The following MINAR1 variants were observed in gnomAD, a reference collection of about 807,000 sequenced individuals.
The protein encoded by MINAR1 is membrane integral NOTCH2 associated receptor 1.
In MINAR1, 40 loss-of-function variants were observed where a neutral mutation model predicts 65.1. That is an observed-to-expected ratio of 0.61 (90% CI 0.48 to 0.80). MINAR1 has a LOEUF of 0.80. Among genes scored for constraint, MINAR1 ranks in the 30% least tolerant of loss-of-function variants. MINAR1 has a pLI of 0.00. For missense variants in MINAR1, 1,128 were observed against 1,148.0 expected, an observed-to-expected ratio of 0.98 and a Z score of 0.25; for synonymous variants, 482 against 449.1, an observed-to-expected ratio of 1.07 and a Z score of -0.93.
chr15:79,468,675 C>A lies in MINAR1; in HGVS notation c.*291C>A, dbSNP rs577944797. The stretch of plus-strand genomic sequence containing the variant: ...TAAATACAAATTGAATATTCCAAGC[C>A]AAAAAAGGAAGATTAATTGGGTTCT... On this transcript the variant is annotated 3_prime_UTR_variant, in exon 4 of 4. Coordinates refer to ENST00000305428, the MANE Select transcript of MINAR1 (RefSeq NM_015206.3). 7.2e-5 allele frequency: 26 copies of A among 362,282 alleles called. 1 individual carries two copies. The South Asian group carries it at 9.7e-4, about 14-fold the overall frequency. 22.4% of individuals were successfully genotyped at this position (362,282 alleles called of 1,614,324 possible).
At chr15:79,454,347 C>CA (rs1895341866) in intron 1 of MINAR1, among the ~76,000 whole-genome samples, 1 of 152,188 alleles carries the variant, frequency 6.6e-6, no homozygotes, top group South Asian at 2.1e-4. Context: ...AGAGAAAGCT[C>CA]ATTACCTCGA....
chr15:79,412,406 C>G, the MINAR1 span: 1 of 152,408 alleles, frequency 6.6e-6, no homozygotes, highest in South Asian at 2.1e-4. Flanking sequence ...CTCACCTTCA[C>G]CAGTGCCTTG....
chr15:79,431,553 G>C (rs1294080003), upstream of MINAR1, among the ~76,000 whole-genome samples: 2 of 152,032 alleles, frequency 1.3e-5, no homozygotes, highest in South Asian at 2.1e-4. Context: ...TCACGTGACA[G>C]TCTTTCCAAT....
chr15:79,462,139 G>A (rs781446701), intron 2 of MINAR1, among the ~76,000 whole-genome samples: 25 of 152,114 alleles, frequency 1.6e-4, no homozygotes, highest in Non-Finnish European at 3.4e-4. Flanking sequence ...TTCATGGAGT[G>A]TCTTCTACTT....
chr15:79,452,453 GGT>G (rs1035495252), intron 1 of MINAR1, among the ~76,000 whole-genome samples: 8 of 149,576 alleles, frequency 5.3e-5, no homozygotes, highest in African/African-American at 2.0e-4. Flanking sequence ...AGTGTGTGTG[GGT>G]GTGAGTCTGG....
chr15:79,440,393 T>C (rs554252935), intron 1 of MINAR1, among the ~76,000 whole-genome samples: 1 of 152,236 alleles, frequency 6.6e-6, no homozygotes, highest in African/African-American at 2.4e-5. Flanking sequence ...GTAAGACCCA[T>C]CCTTAAATAC....
In MINAR1 at chr15:79,456,722, TG is replaced by T; in HGVS notation, c.577del (p.Asp193ThrfsTer11). ...GAGGTGAAAAACCGCGCCGCTTCCCTGGACAGGTTGCAGGCCCTGGCTCCGT... is the reference window on the plus strand; with the variant it reads ...GAGGTGAAAAACCGCGCCGCTTCCCTGACAGGTTGCAGGCCCTGGCTCCGT... ...SKEVKNRAAS[L>X]DRLQALAPYS... On this transcript the variant is annotated frameshift_variant, in exon 2 of 4. Coordinates refer to ENST00000305428, the MANE Select transcript of MINAR1 (RefSeq NM_015206.3). LOFTEE classifies it high-confidence loss of function. 6.2e-7 allele frequency: 1 copy of T among 1,614,200 alleles called. No individual in the cohort carries two copies. Among genetic ancestry groups the T allele is most frequent in the Non-Finnish European group, 8.5e-7 (1 of 1,180,038 alleles).
chr15:79,432,316 A>G (rs369500639), upstream of MINAR1, among the ~76,000 whole-genome samples: 8 of 47,794 alleles, frequency 1.7e-4, no homozygotes, highest in African/African-American at 3.1e-4. Context: ...CGCGCGTGTG[A>G]GCGCCGCGCG....
chr15:79,456,005 T>A, intron 1 of MINAR1, 93 bp from the exon 2 acceptor site: 1 of 690,608 alleles, frequency 1.4e-6, no homozygotes, highest in Non-Finnish European at 2.4e-6. Flanking sequence ...TTCTCTGTAT[T>A]TCTTTATATG....
Position 79,457,379 on chromosome 15 carries a change from G to GC in MINAR1, c.1235dup (p.Thr413AsnfsTer26), listed in dbSNP as rs981840229. The GC allele has an allele frequency of 1.2e-6, 2 of 1,613,994 alleles. No homozygotes were observed. Among genetic ancestry groups the GC allele is most frequent in the Non-Finnish European group, 1.7e-6 (2 of 1,180,028 alleles). ...CCCAATTTCCCAGCCCCAGAAAGGC[G>GC]CCCAACTTACCTTGTGCCAAAGGAT... On this transcript the variant is annotated frameshift_variant, in exon 2 of 4. Transcript: ENST00000305428. LOFTEE classifies it high-confidence loss of function.
At chr15:79,431,777 T>G (rs1044746120), upstream of MINAR1, among the ~76,000 whole-genome samples, 11 of 152,260 alleles carry the variant, frequency 7.2e-5, no homozygotes, top group Non-Finnish European at 1.3e-4. Context: ...CGCGGGTGGC[T>G]CCGGGTGGTG....
the MINAR1 span, chr15:79,418,656 G>A: frequency 6.6e-6 from 1 of 152,316 alleles, no homozygotes; most frequent in African/African-American, 2.4e-5. Context: ...GAGAAATGGG[G>A]ATAACATTGA....
At chr15:79,414,551 G>A in the MINAR1 span, 1 of 152,258 alleles carries the variant, frequency 6.6e-6, no homozygotes, top group Non-Finnish European at 1.5e-5. Flanking sequence ...AGGTGGAAGT[G>A]TAGCTGGAGC....
Position 79,465,261 on chromosome 15 carries a change from C to T in MINAR1, c.2553+1940C>T, listed in dbSNP as rs562917243. 3.3e-5 allele frequency among the ~76,000 whole-genome samples: 5 copies of T among 152,164 alleles called. No homozygotes were observed. In the East Asian group the frequency reaches 7.7e-4, roughly 24 times the overall value. On this transcript the variant is annotated intron_variant, in intron 3 of 3. Coordinates refer to ENST00000305428, the MANE Select transcript of MINAR1 (RefSeq NM_015206.3). ...GCTTGGTGAAGGCAGTAAGCACAAC[C>T]TTTTTTCTTTTCATCTCTTTGCAGA...
chr15:79,462,932 T>C (rs1055173874), intron 2 of MINAR1, 135 bp from the exon 3 acceptor site: 11 of 873,388 alleles, frequency 1.3e-5, no homozygotes, highest in Middle Eastern at 2.3e-4. Context: ...TATGCTTTCA[T>C]ACTTTTGATT....
At chr15:79,442,861 G>A (rs1020854820) in intron 1 of MINAR1, among the ~76,000 whole-genome samples, 1 of 151,874 alleles carries the variant, frequency 6.6e-6, no homozygotes, top group Non-Finnish European at 1.5e-5. Context: ...GAAATTAAAC[G>A]GATGTTAAAG....
At chr15:79,434,638 A>G (rs1482423206) in intron 1 of MINAR1, among the ~76,000 whole-genome samples, 1 of 152,232 alleles carries the variant, frequency 6.6e-6, no homozygotes, top group Admixed American at 6.5e-5. Context: ...CTAGCTAGGA[A>G]AAGGTTCTAG....
intron 1 of MINAR1, among the ~76,000 whole-genome samples, chr15:79,442,983 T>G (rs1894914466): frequency 6.6e-6 from 1 of 152,152 alleles, no homozygotes; most frequent in Non-Finnish European, 1.5e-5. Flanking sequence ...TGCTACTCCC[T>G]GCATTGGTGA....
At chr15:79,431,368 A>T (rs1168408078), upstream of MINAR1, among the ~76,000 whole-genome samples, 1 of 152,184 alleles carries the variant, frequency 6.6e-6, no homozygotes, top group Non-Finnish European at 1.5e-5. Context: ...CACCAGAGGC[A>T]GCTGCTGTGT....
Sources: gnomAD v4.1 joint callset for allele counts (sites outside exome capture counted in the v4.1 genomes callset) on GRCh38, gnomAD v4.1.1 for gene constraint, MANE v1.5 for transcripts, NCBI Gene and HGNC (gene_info 2026-07-23, HGNC 2026-07-21) for gene names.